Variants in C2CD5 observed in about 807,000 individuals in gnomAD.
C2CD5 encodes C2 domain-containing protein 5.
Under a neutral mutation model 130.3 loss-of-function variants are expected in C2CD5, and 109 were observed. The observed-to-expected ratio is 0.84, with a 90% CI of 0.72 to 0.98. The LOEUF (loss-of-function observed/expected upper bound fraction) is 0.98. Ranked by LOEUF, C2CD5 falls within the 50% of genes least tolerant of loss-of-function variation. The pLI is 0.00. For synonymous variants in C2CD5, 454 were observed against 429.2 expected (o/e 1.06, Z -0.71); for missense variants, 996 against 1,261.8 (o/e 0.79, Z 3.19).
intron 22 of C2CD5, among the ~76,000 whole-genome samples, chr12:22,462,441 AG>A (rs1354478940): frequency 2.6e-5 from 4 of 152,176 alleles, no homozygotes; most frequent in African/African-American, 9.6e-5. Context: ...TAACCCTGCA[AG>A]CCCCAAATAA....
intron 12 of C2CD5, among the ~76,000 whole-genome samples, chr12:22,486,873 G>A (rs1360464380): frequency 6.6e-6 from 1 of 151,774 alleles, no homozygotes; most frequent in East Asian, 1.9e-4. Context: ...GTGATAAAGA[G>A]ACAACAGAGC....
Position 22,472,051 on chromosome 12 carries a change from T to C in C2CD5, c.2184A>G (p.Val728=). The C allele has an allele frequency of 1.3e-6, 2 of 1,574,778 alleles. No individual in the cohort carries two copies. Among genetic ancestry groups the C allele is most frequent in the South Asian group, 2.3e-5 (2 of 88,108 alleles). Residue 728 remains valine (V), a synonymous_variant, in exon 19 of 27, where the codon GTA becomes GTG. Coordinates refer to ENST00000446597, the MANE Select transcript of C2CD5 (RefSeq NM_001286176.2). ...WTSEIQMFTS[V]RVIRLSSLNL... ...TGAGGCTGCTTAATCTGATTACTCT[T>C]ACTGAAGTGAACATCTAAATGTGGG...
chr12:22,450,179 A>G (rs1312853259), intron 26 of C2CD5, among the ~76,000 whole-genome samples: 1 of 152,170 alleles, frequency 6.6e-6, no homozygotes, highest in Non-Finnish European at 1.5e-5. Context: ...AAAAAATGTA[A>G]AAGTTGGATG....
chr12:22,500,150 C>A (rs901276299), intron 10 of C2CD5, among the ~76,000 whole-genome samples: 5 of 152,000 alleles, frequency 3.3e-5, no homozygotes, highest in Non-Finnish European at 7.4e-5. Flanking sequence ...CGCCACTGAA[C>A]TCCAGCCTGG....
chr12:22,456,983 A>G lies in C2CD5; in HGVS notation c.2865T>C (p.Thr955=), dbSNP rs755826987. ...TCTATAAAATTACCTCCCGAAGAGAAGTAGTCTCTCGAATAAAAAACATGT... is the reference window on the plus strand; with the variant it reads ...TCTATAAAATTACCTCCCGAAGAGAGGTAGTCTCTCGAATAAAAAACATGT... ...IINMFFIRET[T]SLREEGGVSG... is the part of the protein sequence containing the mutation. Residue 955 remains threonine (T), a synonymous_variant, in exon 25 of 27, where the codon ACT becomes ACC. Transcript: ENST00000446597. 5.7e-6 allele frequency: 9 copies of G among 1,582,804 alleles called. No homozygotes were observed. In the South Asian group the frequency reaches 1.0e-4, roughly 18 times the overall value.
In C2CD5 at chr12:22,478,444, T is replaced by G; in HGVS notation, c.1771A>C (p.Thr591Pro). 1 of 1,613,304 alleles carries G rather than the reference T, an allele frequency of 6.2e-7. No homozygotes were observed. The highest frequency in any genetic ancestry group is 8.5e-7 in the Non-Finnish European group (1 of 1,179,504). Reference protein sequence around the residue: ...ATGVYLAALPTPGGIQIAGKT... With the variant: ...ATGVYLAALPPPGGIQIAGKT... ...CCAGCAATCTGAATACCACCAGGAG[T>G]TGGTAAAGCTGCTAAATACACACCT... is the stretch of plus-strand genomic sequence containing the variant. The change falls in exon 15 of 27, where the codon ACT becomes CCT. Residue 591 changes from threonine (T) to proline (P), a missense_variant. Transcript: ENST00000446597.
Position 22,525,595 on chromosome 12 carries a change from AATGT to A in C2CD5, c.445+11_445+14del. ...TATTACATTTCCTGTTGAGTAATAG[AATGT>A]ATTTACTTACTGCAAAAGAATTTGA... On this transcript the variant is annotated intron_variant, in intron 5 of 26. Transcript: ENST00000446597. 8.7e-7 allele frequency: 1 copy of A among 1,143,750 alleles called. No homozygotes were observed. The highest frequency in any genetic ancestry group is 2.3e-5 in the East Asian group (1 of 42,608). 70.9% of individuals were successfully genotyped at this position (1,143,750 alleles called of 1,614,324 possible). A position where few individuals can be genotyped will look rare whatever the true frequency, so the allele number is the denominator to read the frequency against.
In C2CD5 at chr12:22,456,603, T is replaced by C. The variant is rs140455079; in HGVS notation, c.2877+368A>G. ...AGCTAAATTACATAAAGTATCTCCTTAGACATGTATCTGTAATACAGTCCT... is the reference window on the plus strand; with the variant it reads ...AGCTAAATTACATAAAGTATCTCCTCAGACATGTATCTGTAATACAGTCCT... On this transcript the variant is annotated intron_variant, in intron 25 of 26. Coordinates refer to ENST00000446597, the MANE Select transcript of C2CD5 (RefSeq NM_001286176.2). 7.2e-5 allele frequency among the ~76,000 whole-genome samples: 11 copies of C among 152,312 alleles called. No homozygotes were observed. In the East Asian group the frequency reaches 1.9e-3, roughly 27 times the overall value.
chr12:22,459,095 A>G (rs895391960), intron 23 of C2CD5, among the ~76,000 whole-genome samples: 18 of 152,176 alleles, frequency 1.2e-4, no homozygotes, highest in Non-Finnish European at 2.2e-4. Flanking sequence ...AATCAGTAAG[A>G]GGAAAACCAA....
chr12:22,541,334 T>C (rs532671575), intron 2 of C2CD5, among the ~76,000 whole-genome samples: 3 of 152,302 alleles, frequency 2.0e-5, no homozygotes, highest in South Asian at 4.1e-4. Flanking sequence ...TGAACTATTA[T>C]AGAATCTCCT....
At chr12:22,497,634 A>T (rs922762063) in intron 10 of C2CD5, 10 of 951,586 alleles carry the variant, frequency 1.1e-5, no homozygotes, top group Non-Finnish European at 1.3e-5. Context: ...TCCCCTAATG[A>T]AAAAGAAATT....
chr12:22,479,739 A>G lies in C2CD5; in HGVS notation c.1738-1262T>C, dbSNP rs201239864. Among the ~76,000 whole-genome samples the G allele has an allele frequency of 2.8e-4, 43 of 152,274 alleles. No individual in the cohort carries two copies. The East Asian group carries it at 6.0e-3, about 21-fold the overall frequency. Reference sequence around the variant, plus strand: ...ATATCTGACTCTGAAACAGTACTATATTTCATTAGTACTGGAAAACTATCA... The same window carrying G: ...ATATCTGACTCTGAAACAGTACTATGTTTCATTAGTACTGGAAAACTATCA... On this transcript the variant is annotated intron_variant, in intron 14 of 26. Coordinates refer to ENST00000446597, the MANE Select transcript of C2CD5 (RefSeq NM_001286176.2).
At chr12:22,453,710 G>A (rs188980781) in intron 26 of C2CD5, among the ~76,000 whole-genome samples, 186 bp downstream of exon 26, 12 of 152,242 alleles carry the variant, frequency 7.9e-5, no homozygotes, top group African/African-American at 1.4e-4. Context: ...CTGAGATGTC[G>A]AAATAGCATG....
At chr12:22,503,676 T>C (rs536838545) in intron 10 of C2CD5, among the ~76,000 whole-genome samples, 31 of 152,134 alleles carry the variant, frequency 2.0e-4, no homozygotes, top group African/African-American at 7.2e-4. Context: ...CAGGCCCGGA[T>C]AGTTTTTGTA....
At chr12:22,528,585 G>A (rs546202444) in intron 3 of C2CD5, among the ~76,000 whole-genome samples, 1 of 152,158 alleles carries the variant, frequency 6.6e-6, no homozygotes, top group Non-Finnish European at 1.5e-5. Flanking sequence ...ATAGTGGCCA[G>A]AAGGGAACAT....
At chr12:22,507,444 T>C (rs1193841916) in intron 9 of C2CD5, among the ~76,000 whole-genome samples, 1 of 152,166 alleles carries the variant, frequency 6.6e-6, no homozygotes, top group Non-Finnish European at 1.5e-5. Context: ...TAAGGAAAGT[T>C]GAAAGGTACA....
At chr12:22,460,020 T>C (rs753681740) in intron 22 of C2CD5, among the ~76,000 whole-genome samples, 2 of 152,198 alleles carry the variant, frequency 1.3e-5, no homozygotes, top group Non-Finnish European at 2.9e-5. Context: ...TAGTCTTAAC[T>C]CTCACCACCA....
intron 3 of C2CD5, 42 bp downstream of exon 3, chr12:22,535,216 T>C (rs1441551908): frequency 9.2e-7 from 1 of 1,090,720 alleles, no homozygotes; most frequent in African/African-American, 1.6e-5. Flanking sequence ...AAGAGTCACC[T>C]CAAAAAAATA....
intron 9 of C2CD5, among the ~76,000 whole-genome samples, chr12:22,509,991 G>A (rs970971761): frequency 1.3e-5 from 2 of 152,114 alleles, no homozygotes; most frequent in African/African-American, 4.8e-5. Context: ...GATCACCTGA[G>A]GTTAGGAGTT....
Sources: gnomAD v4.1 joint callset for allele counts (sites outside exome capture counted in the v4.1 genomes callset) on GRCh38, gnomAD v4.1.1 for gene constraint, MANE v1.5 for transcripts, NCBI Gene and HGNC (gene_info 2026-07-23, HGNC 2026-07-21) for gene names.